The following SMC6 variants were observed in gnomAD, a reference collection of about 807,000 sequenced individuals.
The protein encoded by SMC6 is structural maintenance of chromosomes 6, also known as structural maintenance of chromosomes protein 6.
A neutral mutation model predicts 142.2 loss-of-function variants in SMC6; 79 were observed. That is an observed-to-expected ratio of 0.56 (90% CI 0.46 to 0.67). The LOEUF is 0.67. SMC6 is among the 30% of genes least tolerant of loss of function. The probability of loss-of-function intolerance (pLI) is 0.00; values close to 1 mark genes in which losing one functional copy is unlikely to be tolerated. For missense variants in SMC6, 1,072 were observed against 1,284.0 expected, an observed-to-expected ratio of 0.83 and a Z score of 2.52; for synonymous variants, 411 against 412.4, an observed-to-expected ratio of 1.00 and a Z score of 0.04.
At chr2:17,667,733 C>T (rs1666566094) in intron 26 of SMC6, among the ~76,000 whole-genome samples, 1 of 152,056 alleles carries the variant, frequency 6.6e-6, no homozygotes, top group African/African-American at 2.4e-5. Flanking sequence ...ACCTGTAATC[C>T]CAGCTACTCA....
rs138562289 is a variant in SMC6, at chr2:17,694,951, CATA to C, written c.2678+198_2678+200del. 8.9e-3 allele frequency among the ~76,000 whole-genome samples: 1,361 copies of C among 152,138 alleles called. 14 individuals carry two copies. The highest frequency in any genetic ancestry group is 0.025 in the South Asian group (122 of 4,814). On this transcript the variant is annotated intron_variant, in intron 23 of 27. Coordinates refer to ENST00000448223, the MANE Select transcript of SMC6 (RefSeq NM_001142286.2). Reference sequence around the variant, plus strand: ...AAGCATTTATGTTAAAATGAAATTCCATAATGAGTTTTGTAATAGTTCAGAAGA... The same window carrying C: ...AAGCATTTATGTTAAAATGAAATTCCATGAGTTTTGTAATAGTTCAGAAGA...
At position 17,696,294 on chromosome 2, in the gene SMC6, G is replaced by A; in HGVS notation, c.2527C>T (p.Leu843=). The A allele has an allele frequency of 3.8e-6, 6 of 1,586,134 alleles. No individual in the cohort carries two copies. Among genetic ancestry groups the A allele is most frequent in the Non-Finnish European group, 5.1e-6 (6 of 1,172,814 alleles). Reference sequence around the variant, plus strand: ...TGAAAAAAATGGTGAAAAACCTCTAGTTCTTTCTCTTTCATATCCAGTTCT... The same window carrying A: ...TGAAAAAAATGGTGAAAAACCTCTAATTCTTTCTCTTTCATATCCAGTTCT... ...KRELDMKEKE[L]EEKMSQARQI... The change falls in exon 22 of 28, where the codon CTA becomes TTA. Residue 843 remains leucine, a synonymous_variant. Coordinates refer to ENST00000448223, the MANE Select transcript of SMC6 (RefSeq NM_001142286.2).
In SMC6 at chr2:17,679,030, T is replaced by C. The variant is rs149728315; in HGVS notation, c.2805-66A>G. On this transcript the variant is annotated intron_variant, in intron 24 of 27. Coordinates refer to ENST00000448223, the MANE Select transcript of SMC6 (RefSeq NM_001142286.2). ...GGTTTTTTAAAAACTATATTCAGCA[T>C]GATCTAAGCATGTGAGAAAACCAGA... The C allele has an allele frequency of 2.6e-5, 28 of 1,094,302 alleles. No homozygotes were observed. In the East Asian group the frequency reaches 5.5e-4, roughly 22 times the overall value. 67.8% of individuals were successfully genotyped at this position (1,094,302 alleles called of 1,614,324 possible). A position where few individuals can be genotyped will look rare whatever the true frequency, so the allele number is the denominator to read the frequency against.
chr2:17,669,329 G>T (rs1666648709), intron 26 of SMC6, among the ~76,000 whole-genome samples: 1 of 152,180 alleles, frequency 6.6e-6, no homozygotes, highest in South Asian at 2.1e-4. Flanking sequence ...GGGCATCTGG[G>T]TCTAGAGTAC....
At chr2:17,692,830 A>G (rs1667796073) in intron 23 of SMC6, among the ~76,000 whole-genome samples, 1 of 152,224 alleles carries the variant, frequency 6.6e-6, no homozygotes, top group Non-Finnish European at 1.5e-5. Context: ...AATATCCAGA[A>G]TCTACAATGA....
intron 5 of SMC6, among the ~76,000 whole-genome samples, chr2:17,736,445 A>G (rs1240901646): frequency 6.6e-6 from 1 of 152,192 alleles, no homozygotes; most frequent in Non-Finnish European, 1.5e-5. Flanking sequence ...GGGAAAAAAA[A>G]GTATTTAACT....
At chr2:17,686,118 C>CT (rs1469394618) in intron 23 of SMC6, among the ~76,000 whole-genome samples, 2 of 152,114 alleles carry the variant, frequency 1.3e-5, no homozygotes, top group African/African-American at 4.8e-5. Context: ...ACACTATACA[C>CT]TTTGTTGGCA....
Position 17,715,024 on chromosome 2 carries a change from T to A in SMC6, c.1567A>T (p.Ile523Phe). 3 of 1,613,866 alleles carry A rather than the reference T, an allele frequency of 1.9e-6. No individual in the cohort carries two copies. Among genetic ancestry groups the A allele is most frequent in the Non-Finnish European group, 2.5e-6 (3 of 1,179,888 alleles). Residue 523 changes from isoleucine (I) to phenylalanine (F), a missense_variant, in exon 16 of 28, where the codon ATT becomes TTT. Around this residue, in one of 3 missense-constraint regions of SMC6, gnomAD observed 994 missense variants for 1,153.2 expected, o/e 0.86. Coordinates refer to ENST00000448223, the MANE Select transcript of SMC6 (RefSeq NM_001142286.2). ...HLRDPELALA[I>F]ESCLKGLLQA... ...AGAAGCCCTTTTAAGCAAGATTCAA[T>A]AGCCAAAGCAAGTTCTGGGTCCCGA... is the stretch of plus-strand genomic sequence containing the variant.
intron 12 of SMC6, 115 bp downstream of exon 12, chr2:17,717,962 G>T: frequency 9.2e-7 from 1 of 1,084,182 alleles, no homozygotes; most frequent in Non-Finnish European, 1.3e-6. Context: ...CTCCAGCCTG[G>T]GTGACAGAGC....
chr2:17,733,302 A>C (rs1175326051), intron 5 of SMC6, among the ~76,000 whole-genome samples: 8 of 152,254 alleles, frequency 5.3e-5, no homozygotes, highest in Non-Finnish European at 1.2e-4. Context: ...CCTAGCAGAA[A>C]GGGCTTAGCA....
chr2:17,744,356 TTTTAACGTCCATGTG>T (rs1196178252), intron 3 of SMC6, among the ~76,000 whole-genome samples: 1 of 152,188 alleles, frequency 6.6e-6, no homozygotes, highest in Non-Finnish European at 1.5e-5. Flanking sequence ...GTATTTTGAA[TTTTAACGTCCATGTG>T]TTCAACGCCA....
chr2:17,751,467 CAAA>C (rs11309389), intron 2 of SMC6, among the ~76,000 whole-genome samples: 7 of 89,112 alleles, frequency 7.9e-5, no homozygotes, highest in Admixed American at 1.3e-4. Context: ...CTGTCTCAAA[CAAA>C]AAAAAAAAAA....
chr2:17,713,178 T>A (rs1668913304), intron 16 of SMC6, among the ~76,000 whole-genome samples: 1 of 152,198 alleles, frequency 6.6e-6, no homozygotes, highest in African/African-American at 2.4e-5. Context: ...AAAACTCTAA[T>A]GTTTATCTAA....
At chr2:17,746,216 T>C (rs1670739527) in intron 2 of SMC6, 1 of 303,014 alleles carries the variant, frequency 3.3e-6, no homozygotes. Flanking sequence ...TTTAGCCCAG[T>C]GAGATCTGTG....
intron 24 of SMC6, chr2:17,682,106 A>C (rs1572258645): frequency 2.0e-5 from 3 of 152,194 alleles, no homozygotes; most frequent in Admixed American, 2.0e-4. Context: ...GAAACTAAAA[A>C]ACGAGACAAA....
intron 4 of SMC6, chr2:17,740,848 T>G: frequency 4.7e-6 from 1 of 212,754 alleles, no homozygotes; most frequent in Non-Finnish European, 9.6e-6. Context: ...AGACTCTGTC[T>G]CAAAAAAACA....
chr2:17,730,334 T>A (rs1669843820), intron 7 of SMC6, among the ~76,000 whole-genome samples: 2 of 152,008 alleles, frequency 1.3e-5, no homozygotes, highest in Admixed American at 1.3e-4. Flanking sequence ...AGAGAAATGC[T>A]TTATCTTTCT....
chr2:17,671,821 A>G (rs1198823637), intron 25 of SMC6, among the ~76,000 whole-genome samples: 2 of 152,020 alleles, frequency 1.3e-5, no homozygotes, highest in Non-Finnish European at 2.9e-5. Context: ...CTGAGAATAT[A>G]CAATAACATT....
intron 23 of SMC6, among the ~76,000 whole-genome samples, chr2:17,688,060 A>G (rs1667537734): frequency 6.6e-6 from 1 of 152,136 alleles, no homozygotes; most frequent in South Asian, 2.1e-4. Context: ...AAGGTTAAAA[A>G]GCCCTTTGTG....
Sources: allele counts gnomAD v4.1 joint callset (sites outside exome capture counted in the v4.1 genomes callset), GRCh38; gene constraint gnomAD v4.1.1; regional missense constraint gnomAD v4.1.1; transcripts MANE v1.5; gene names NCBI Gene and HGNC (gene_info 2026-07-23, HGNC 2026-07-21).